The following VPS13C variants were observed in gnomAD, a reference collection of about 807,000 sequenced individuals.
VPS13C encodes vacuolar protein sorting 13 homolog C, also known as intermembrane lipid transfer protein VPS13C.
A neutral mutation model predicts 456.8 loss-of-function variants in VPS13C; 358 were observed. The observed-to-expected ratio is 0.78, with a 90% CI of 0.72 to 0.86. The LOEUF is 0.86. Among genes scored for constraint, VPS13C ranks in the 40% least tolerant of loss-of-function variants. VPS13C has a pLI of 0.00. For synonymous variants in VPS13C, 1,578 were observed against 1,486.7 expected (o/e 1.06, Z -1.41); for missense variants, 4,818 against 4,385.4 (o/e 1.10, Z -2.79).
intron 45 of VPS13C, among the ~76,000 whole-genome samples, chr15:61,944,504 G>A (rs544318451): frequency 8.5e-4 from 129 of 152,234 alleles, no homozygotes; most frequent in African/African-American, 3.1e-3. Context: ...TGCAGCTGGA[G>A]GCCATTATCC....
At chr15:61,866,309 A>C (rs558238280) in intron 81 of VPS13C, 1 of 983,204 alleles carries the variant, frequency 1.0e-6, no homozygotes, top group Non-Finnish European at 1.2e-6. Flanking sequence ...AAAACTAAGA[A>C]ATCAGACAAG....
chr15:61,951,927 C>T lies in VPS13C; in HGVS notation c.4353G>A (p.Glu1451=), dbSNP rs750651006. ...KSEKKGRPLH[E]LNVLQLGMEA... Reference sequence around the variant, plus strand: ...CCATTCCAAGTTGCAGGACATTTAGCTCATGTAAAGGCCTTCCTTTCTTTT... The same window carrying T: ...CCATTCCAAGTTGCAGGACATTTAGTTCATGTAAAGGCCTTCCTTTCTTTT... The change falls in exon 39 of 85, where the codon GAG becomes GAA. Residue 1451 remains glutamate, a synonymous_variant. Coordinates refer to ENST00000644861, the MANE Select transcript of VPS13C (RefSeq NM_020821.3). The T allele has an allele frequency of 1.2e-6, 2 of 1,613,732 alleles. No individual in the cohort carries two copies. Among genetic ancestry groups the T allele is most frequent in the Non-Finnish European group, 1.7e-6 (2 of 1,179,830 alleles).
intron 81 of VPS13C, chr15:61,864,216 T>C: frequency 1.7e-6 from 1 of 598,458 alleles, no homozygotes; most frequent in Non-Finnish European, 2.1e-6. Flanking sequence ...AATATGACAA[T>C]ATTAATATGA....
intron 22 of VPS13C, among the ~76,000 whole-genome samples, chr15:61,979,234 G>C (rs1189646341): frequency 1.3e-5 from 2 of 152,178 alleles, no homozygotes; most frequent in African/African-American, 4.8e-5. Context: ...GAGTATACAA[G>C]GGATCTTCAA....
At chr15:62,008,848 A>G in intron 13 of VPS13C, 87 bp from the exon 14 acceptor site, 1 of 682,088 alleles carries the variant, frequency 1.5e-6, no homozygotes, top group Non-Finnish European at 2.2e-6. Flanking sequence ...GGCTAGTGAG[A>G]CTCCAAATAC....
chr15:61,925,524 T>C lies in VPS13C; in HGVS notation c.6541A>G (p.Met2181Val), dbSNP rs2043819686. Reference protein sequence around the residue: ...TTVLQPCSLFMEKCTWASGKQ... With the variant: ...TTVLQPCSLFVEKCTWASGKQ... ...CCTGAAGCCCACGTACATTTTTCCA[T>C]AAATAAAGAACAGGGCTGCAAGACC... The change falls in exon 53 of 85, where the codon ATG (methionine) becomes GTG (valine). Residue 2181 changes from methionine (M) to valine (V), a missense_variant. Coordinates refer to ENST00000644861, the MANE Select transcript of VPS13C (RefSeq NM_020821.3). The C allele has an allele frequency of 6.2e-7, 1 of 1,604,026 alleles. No individual in the cohort carries two copies. The highest frequency in any genetic ancestry group is 8.5e-7 in the Non-Finnish European group (1 of 1,175,540).
At position 61,880,661 on chromosome 15, in the gene VPS13C, G is replaced by C; in HGVS notation, c.9950C>G (p.Thr3317Ser). ...AAAGAAACTAAGAATTGACATATCA[G>C]TCATTGAAGTCTCCATTAATTCTGC... ...LNAELMETSM[T>S]DMSILSFFEH... Residue 3317 changes from threonine to serine, a missense_variant, in exon 73 of 85, where the codon ACT becomes AGT. Physicochemically the swap from Thr to Ser is moderately conservative, Grantham distance 58. This residue lies in a region of VPS13C where 4,552 missense variants were observed against 4,130.6 expected (regional missense o/e 1.10). Transcript: ENST00000644861. 1.2e-6 allele frequency: 2 copies of C among 1,601,282 alleles called. No homozygotes were observed. Among genetic ancestry groups the C allele is most frequent in the Non-Finnish European group, 8.5e-7 (1 of 1,175,000 alleles).
At chr15:61,855,938 A>G (rs1893877997) in intron 83 of VPS13C, among the ~76,000 whole-genome samples, 1 of 152,058 alleles carries the variant, frequency 6.6e-6, no homozygotes, top group Admixed American at 6.5e-5. Context: ...AAAAACCTAA[A>G]AAGAGGGAAT....
At chr15:62,043,979 A>G (rs1019465122) in intron 2 of VPS13C, among the ~76,000 whole-genome samples, 8 of 152,208 alleles carry the variant, frequency 5.3e-5, no homozygotes, top group Non-Finnish European at 1.0e-4. Context: ...CTATACAGTC[A>G]AATTAGATCA....
At position 61,853,425 on chromosome 15, in the gene VPS13C, A is replaced by C. The variant is rs950247458; in HGVS notation, c.*1032T>G. ...AATAATAATTGTGTCATATAAGCTCATCTTGAAAGAGGATGTAAATACTTC... is the reference window on the plus strand; with the variant it reads ...AATAATAATTGTGTCATATAAGCTCCTCTTGAAAGAGGATGTAAATACTTC... On this transcript the variant is annotated 3_prime_UTR_variant, in exon 85 of 85. Coordinates refer to ENST00000644861, the MANE Select transcript of VPS13C (RefSeq NM_020821.3). The C allele has an allele frequency of 6.6e-6, 1 of 152,214 alleles. No homozygotes were observed. The highest frequency in any genetic ancestry group is 1.5e-5 in the Non-Finnish European group (1 of 68,036). The allele number at this position is 152,214 out of a possible 1,614,324, so 9.4% of individuals were successfully genotyped here.
chr15:61,922,770 A>G lies in VPS13C; in HGVS notation c.6610-8T>C. The G allele has an allele frequency of 6.4e-7, 1 of 1,551,942 alleles. No homozygotes were observed. The highest frequency in any genetic ancestry group is 8.7e-7 in the Non-Finnish European group (1 of 1,155,388). ...AAGAATTATGGGTGAAATCTTTAAA[A>G]AAGAAAGCAGAAAAATATTTATAAT... On this transcript the variant is annotated splice_polypyrimidine_tract_variant and splice_region_variant and intron_variant, in intron 53 of 84. Transcript: ENST00000644861.
chr15:62,049,516 T>C (rs1455860857), intron 1 of VPS13C, among the ~76,000 whole-genome samples: 4 of 152,368 alleles, frequency 2.6e-5, no homozygotes, highest in Non-Finnish European at 1.5e-5. Flanking sequence ...CCTTGCAATA[T>C]AGTTTGAAGT....
chr15:62,009,984 G>A (rs2046985338), intron 13 of VPS13C, among the ~76,000 whole-genome samples: 1 of 152,002 alleles, frequency 6.6e-6, no homozygotes, highest in Non-Finnish European at 1.5e-5. Context: ...TCAGGAGATC[G>A]AGACCACCCT....
intron 82 of VPS13C, among the ~76,000 whole-genome samples, chr15:61,861,550 A>G (rs184673661): frequency 6.6e-6 from 1 of 152,192 alleles, no homozygotes; most frequent in East Asian, 1.9e-4. Flanking sequence ...AGCAATAAAA[A>G]TTATTTTGGA....
rs775859446 is a variant in VPS13C, at chr15:61,880,725, G to GA, written c.9889-4dup. Reference sequence around the variant, plus strand: ...ATATCTTGTTGGATTAACTTTGTCTGAAAAAAATAAAATCAAGAATTTCTA... The same window carrying GA: ...ATATCTTGTTGGATTAACTTTGTCTGAAAAAAAATAAAATCAAGAATTTCTA... On this transcript the variant is annotated splice_polypyrimidine_tract_variant and splice_region_variant and intron_variant, in intron 72 of 84. Transcript: ENST00000644861. 4 of 1,561,686 alleles carry GA rather than the reference G, an allele frequency of 2.6e-6. No individual in the cohort carries two copies. The highest frequency in any genetic ancestry group is 2.8e-5 in the African/African-American group (2 of 71,980).
chr15:62,054,769 T>G (rs2048734298), intron 1 of VPS13C, among the ~76,000 whole-genome samples: 1 of 151,540 alleles, frequency 6.6e-6, no homozygotes, highest in African/African-American at 2.4e-5. Context: ...AGAAGAAGAA[T>G]ATTAATACCT....
chr15:61,957,706 G>A (rs2045053265), intron 37 of VPS13C, among the ~76,000 whole-genome samples: 1 of 151,940 alleles, frequency 6.6e-6, no homozygotes, highest in African/African-American at 2.4e-5. Context: ...TTTTTAACTG[G>A]TGTTATCCTA....
At position 61,854,435 on chromosome 15, in the gene VPS13C, T is replaced by C. The variant is rs372914606; in HGVS notation, c.*22A>G. ...GACCAGTGATTGTTTTTTCTCCCTGTTGGAGCCCCTGAGGTCTGTGATTAA... is the reference window on the plus strand; with the variant it reads ...GACCAGTGATTGTTTTTTCTCCCTGCTGGAGCCCCTGAGGTCTGTGATTAA... On this transcript the variant is annotated 3_prime_UTR_variant, in exon 85 of 85. Coordinates refer to ENST00000644861, the MANE Select transcript of VPS13C (RefSeq NM_020821.3). 6.2e-7 allele frequency: 1 copy of C among 1,601,914 alleles called. No individual in the cohort carries two copies. The highest frequency in any genetic ancestry group is 8.6e-7 in the Non-Finnish European group (1 of 1,168,804).
chr15:62,002,774 G>T (rs1024691321), intron 15 of VPS13C, among the ~76,000 whole-genome samples: 1 of 152,116 alleles, frequency 6.6e-6, no homozygotes, highest in Non-Finnish European at 1.5e-5. Flanking sequence ...TATTAAATAG[G>T]GAATCCTTTC....
Sources: gnomAD v4.1 joint callset for allele counts (sites outside exome capture counted in the v4.1 genomes callset) on GRCh38, gnomAD v4.1.1 for gene constraint, gnomAD v4.1.1 regional missense constraint, MANE v1.5 for transcripts, NCBI Gene and HGNC (gene_info 2026-07-23, HGNC 2026-07-21) for gene names.